NPEPL1: variants seen among roughly 807,000 people sequenced by gnomAD.
The protein encoded by NPEPL1 is aminopeptidase like 1, also known as probable aminopeptidase NPEPL1.
In NPEPL1, 45 loss-of-function variants were observed where a neutral mutation model predicts 52.4. The ratio of observed to expected loss-of-function variants is 0.86; its 90% CI spans 0.68 to 1.10. The LOEUF (loss-of-function observed/expected upper bound fraction) is 1.10, where lower values mean the gene tolerates loss of function less well. Ranked by LOEUF, NPEPL1 falls within the 50% of genes least tolerant of loss-of-function variation. The pLI is 0.00. For synonymous variants in NPEPL1, 360 were observed against 314.7 expected, an observed-to-expected ratio of 1.14 and a Z score of -1.52; for missense variants, 696 against 710.9, an observed-to-expected ratio of 0.98 and a Z score of 0.24.
rs1004024885 is a variant in NPEPL1 at position 58,713,131 on chromosome 20, A to G, written c.1002-289A>G. On this transcript the variant is annotated intron_variant, in intron 8 of 11. Transcript: ENST00000356091. The surrounding 1 kb of genome is among the most constrained non-coding windows in gnomAD (Gnocchi z 4.6). Reference sequence around the variant, plus strand: ...TGCTGAAGGCCAGCCCAGCCGGTTCATGCCACCCACTTTACAGAAGAAGAA... The same window carrying G: ...TGCTGAAGGCCAGCCCAGCCGGTTCGTGCCACCCACTTTACAGAAGAAGAA... 4 of 418,036 alleles carry G rather than the reference A, an allele frequency of 9.6e-6. No individual in the cohort carries two copies. The highest frequency in any genetic ancestry group is 2.0e-5 in the African/African-American group (1 of 50,280). The allele number at this position is 418,036 out of a possible 1,614,324, so 25.9% of individuals were successfully genotyped here. A position where few individuals can be genotyped will look rare whatever the true frequency, so the allele number is the denominator to read the frequency against.
At position 58,713,633 on chromosome 20, in the gene NPEPL1, G is replaced by A; in HGVS notation, c.1125+90G>A. 2.1e-6 allele frequency: 3 copies of A among 1,426,774 alleles called. No homozygotes were observed. Among genetic ancestry groups the A allele is most frequent in the Non-Finnish European group, 2.8e-6 (3 of 1,081,322 alleles). 88.4% of individuals were successfully genotyped at this position (1,426,774 alleles called of 1,614,324 possible). A position where few individuals can be genotyped will look rare whatever the true frequency, so the allele number is the denominator to read the frequency against. On this transcript the variant is annotated intron_variant, in intron 9 of 11. Transcript: ENST00000356091. This position sits in a 1 kb window ranked among gnomAD's most constrained non-coding sequence, Gnocchi z 4.6. Reference sequence around the variant, plus strand: ...CAAGGTGGGGAAGGCAGCGCGTGGGGGCTGCCGTCAGGAAGTTTTCATAAC... The same window carrying A: ...CAAGGTGGGGAAGGCAGCGCGTGGGAGCTGCCGTCAGGAAGTTTTCATAAC...
intron 5 of NPEPL1, among the ~76,000 whole-genome samples, chr20:58,700,805 A>T (rs1040757673): frequency 6.6e-6 from 1 of 152,174 alleles, no homozygotes; most frequent in East Asian, 1.9e-4. Flanking sequence ...AACACTTTGC[A>T]TAGAATTTGT....
chr20:58,704,494 A>G (rs1164275015), intron 6 of NPEPL1: 3 of 438,798 alleles, frequency 6.8e-6, no homozygotes, highest in East Asian at 3.7e-4. Flanking sequence ...ATAATTCATT[A>G]AAAATAACAT....
intron 6 of NPEPL1, chr20:58,704,402 G>A (rs1178689901): frequency 1.7e-5 from 17 of 983,414 alleles, no homozygotes; most frequent in Non-Finnish European, 1.9e-5. Context: ...AACAAGTACC[G>A]ACCCCAAAGA....
At position 58,702,047 on chromosome 20, in the gene NPEPL1, G is replaced by A. The variant is rs533608874; in HGVS notation, c.822+889G>A. 2.0e-5 allele frequency among the ~76,000 whole-genome samples: 3 copies of A among 152,354 alleles called. No homozygotes were observed. The East Asian group carries it at 5.8e-4, about 29-fold the overall frequency. On this transcript the variant is annotated intron_variant, in intron 6 of 11. Coordinates refer to ENST00000356091, the MANE Select transcript of NPEPL1 (RefSeq NM_024663.4). The stretch of plus-strand genomic sequence containing the variant: ...GAAGGACAGGGAGGGAGCAGACTGG[G>A]AAGTACATACCTCAGGAGGTCTGGA...
chr20:58,702,784 TAC>T (rs1304508982), intron 6 of NPEPL1, among the ~76,000 whole-genome samples: 2 of 152,358 alleles, frequency 1.3e-5, no homozygotes, highest in East Asian at 3.9e-4. Context: ...AGGCAACAGA[TAC>T]ACAGATACTT....
chr20:58,689,378 A>G (rs1484057459), upstream of NPEPL1, among the ~76,000 whole-genome samples: 1 of 151,994 alleles, frequency 6.6e-6, no homozygotes, highest in Non-Finnish European at 1.5e-5. Context: ...CTCATGCCTC[A>G]GCCTCCCGAG....
chr20:58,713,534 C>A lies in NPEPL1; in HGVS notation c.1116C>A (p.Thr372=). 1 of 1,605,846 alleles carries A rather than the reference C, an allele frequency of 6.2e-7. No homozygotes were observed. The highest frequency in any genetic ancestry group is 8.5e-7 in the Non-Finnish European group (1 of 1,175,628). ...TCATCCTGGACATGGCCACCCTGAC[C>A]GGGGCTCAGGTGAGTGCTCCCTGGA... ...ADIILDMATL[T]GAQGIATGKY... The change falls in exon 9 of 12, where the codon ACC becomes ACA. Residue 372 remains threonine, a synonymous_variant. Coordinates refer to ENST00000356091, the MANE Select transcript of NPEPL1 (RefSeq NM_024663.4). The surrounding 1 kb of genome is among the most constrained non-coding windows in gnomAD (Gnocchi z 4.6).
In NPEPL1 at chr20:58,693,860, G is replaced by T; in HGVS notation, c.274G>T (p.Ala92Ser). Reference sequence around the variant, plus strand: ...GAGCCGGCACAACAGCCCCTCGGCCGCCCACTTCATCACGCGGCTGGTGCG... The same window carrying T: ...GAGCCGGCACAACAGCCCCTCGGCCTCCCACTTCATCACGCGGCTGGTGCG... ...RVSRHNSPSA[A>S]HFITRLVRTC... The change falls in exon 2 of 12, where the codon GCC becomes TCC. Residue 92 changes from alanine to serine, a missense_variant. Physicochemically the swap from Ala to Ser is moderately conservative, Grantham distance 99. Transcript: ENST00000356091. The T allele has an allele frequency of 3.1e-6, 5 of 1,613,466 alleles. No homozygotes were observed. The highest frequency in any genetic ancestry group is 4.2e-6 in the Non-Finnish European group (5 of 1,179,710).
upstream of NPEPL1, chr20:58,691,884 G>A (rs1027387470): frequency 3.7e-6 from 4 of 1,075,866 alleles, no homozygotes; most frequent in African/African-American, 1.6e-5. Flanking sequence ...CCAATGCATC[G>A]TCATTCCCTG....
chr20:58,693,390 C>T, intron 1 of NPEPL1: 1 of 212,560 alleles, frequency 4.7e-6, no homozygotes. Context: ...CAGAAGTTCC[C>T]ATGGCAGTGT....
intron 10 of NPEPL1, 156 bp from the exon 11 acceptor site, chr20:58,714,404 A>G (rs2084915323): frequency 1.6e-6 from 1 of 626,078 alleles, no homozygotes; most frequent in Non-Finnish European, 2.7e-6. Context: ...GCTCATGGTC[A>G]AGGCCCTCCC....
upstream of NPEPL1, chr20:58,691,390 TTTTTTTTTTTTGAG>T: frequency 1.8e-6 from 1 of 542,386 alleles, no homozygotes; most frequent in Non-Finnish European, 3.2e-6. Flanking sequence ...TTTTTTTTTT[TTTTTTTTTTTTGAG>T]TGCCTGCTCT....
chr20:58,709,898 G>A (rs1163327698), intron 7 of NPEPL1, among the ~76,000 whole-genome samples: 1 of 152,196 alleles, frequency 6.6e-6, no homozygotes, highest in Non-Finnish European at 1.5e-5. Context: ...AGGAGCACAT[G>A]GAATCTGGAT....
chr20:58,708,073 G>GT (rs11086655), intron 7 of NPEPL1, among the ~76,000 whole-genome samples: 53,524 of 152,020 alleles, frequency 0.35, 13,091 homozygotes, highest in African/African-American at 0.7. Context: ...GATAGAGCGA[G>GT]ACCCTGTCTA....
Position 58,701,112 on chromosome 20 carries a change from G to A in NPEPL1, c.776G>A (p.Gly259Asp). The change falls in exon 6 of 12, where the codon GGC becomes GAC. Residue 259 changes from glycine to aspartate, a missense_variant. By Grantham distance (94) the Gly-to-Asp change is moderately conservative. Coordinates refer to ENST00000356091, the MANE Select transcript of NPEPL1 (RefSeq NM_024663.4). ...GCCACGCAGACCATCGCCTGGGTGGGCAAAGGCATCGTCTATGACACTGGA... is the reference window on the plus strand; with the variant it reads ...GCCACGCAGACCATCGCCTGGGTGGACAAAGGCATCGTCTATGACACTGGA... ...DGATQTIAWVGKGIVYDTGGL... is the reference protein window; with the variant it reads ...DGATQTIAWVDKGIVYDTGGL... 1.3e-6 allele frequency: 2 copies of A among 1,589,738 alleles called. No individual in the cohort carries two copies. The highest frequency in any genetic ancestry group is 8.6e-7 in the Non-Finnish European group (1 of 1,168,962).
chr20:58,698,879 A>C (rs1301907503), intron 4 of NPEPL1, 106 bp downstream of exon 4: 1 of 920,026 alleles, frequency 1.1e-6, no homozygotes, highest in African/African-American at 1.6e-5. Flanking sequence ...TGACGTGGCC[A>C]GGGAACCTCA....
chr20:58,714,186 T>C (rs2084911178), intron 10 of NPEPL1, 93 bp downstream of exon 10: 3 of 1,429,344 alleles, frequency 2.1e-6, no homozygotes, highest in Non-Finnish European at 1.8e-6. Context: ...CCCAGGGAGC[T>C]GGGGCCCCCC....
chr20:58,705,159 C>T (rs997719387), intron 6 of NPEPL1, among the ~76,000 whole-genome samples: 11 of 152,158 alleles, frequency 7.2e-5, no homozygotes, highest in Non-Finnish European at 1.5e-4. Context: ...TAAATAATGT[C>T]AGCTGTTTCT....
Sources: allele counts gnomAD v4.1 joint callset (sites outside exome capture counted in the v4.1 genomes callset), GRCh38; gene constraint gnomAD v4.1.1; non-coding constraint Gnocchi (gnomAD v3.1); transcripts MANE v1.5; gene names NCBI Gene and HGNC (gene_info 2026-07-23, HGNC 2026-07-21).